Variants in PAK2 observed in about 807,000 individuals in gnomAD.
PAK2 encodes serine/threonine-protein kinase PAK 2.
Under a neutral mutation model 65.9 loss-of-function variants are expected in PAK2, and 21 were observed. The ratio of observed to expected loss-of-function variants is 0.32; its 90% CI spans 0.23 to 0.46. PAK2 has a LOEUF of 0.46. PAK2 is among the 20% of genes least tolerant of loss of function. The probability of loss-of-function intolerance (pLI) is 1.00; values close to 1 mark genes in which losing one functional copy is unlikely to be tolerated. For synonymous variants in PAK2, 204 were observed against 219.7 expected (o/e 0.93, Z 0.63); for missense variants, 324 against 642.6 (o/e 0.50, Z 5.36).
chr3:196,755,997 G>A (rs755410990), intron 1 of PAK2, among the ~76,000 whole-genome samples: 15 of 152,030 alleles, frequency 9.9e-5, no homozygotes, highest in Non-Finnish European at 1.5e-4. Context: ...CTCATGATCC[G>A]TCTGCCTTGG....
intron 2 of PAK2, among the ~76,000 whole-genome samples, chr3:196,784,448 T>G (rs199532154): frequency 0.012 from 1,344 of 116,462 alleles, 38 homozygotes; most frequent in Admixed American, 0.078. Context: ...CATTGTTCAA[T>G]TCCCACCTAT....
chr3:196,805,304 A>T, intron 4 of PAK2, 48 bp from the exon 5 acceptor site: 2 of 1,000,878 alleles, frequency 2.0e-6, no homozygotes, highest in Non-Finnish European at 3.0e-6. Flanking sequence ...TATCATATAA[A>T]AGTGCTGTTT....
At chr3:196,827,706 A>C (rs1415982313) in intron 14 of PAK2, among the ~76,000 whole-genome samples, 1 of 152,148 alleles carries the variant, frequency 6.6e-6, no homozygotes, top group Non-Finnish European at 1.5e-5. Context: ...TACATATGTA[A>C]CAAACCTGCA....
At chr3:196,797,456 C>A (rs1445674218) in intron 2 of PAK2, among the ~76,000 whole-genome samples, 2 of 151,610 alleles carry the variant, frequency 1.3e-5, no homozygotes, top group Non-Finnish European at 2.9e-5. Context: ...GAGCGAGACT[C>A]CCTCTCAAAA....
Position 196,810,588 on chromosome 3 carries a change from A to G in PAK2, c.710-2A>G. 6.5e-7 allele frequency: 1 copy of G among 1,534,644 alleles called. No individual in the cohort carries two copies. Among genetic ancestry groups the G allele is most frequent in the Non-Finnish European group, 9.0e-7 (1 of 1,109,090 alleles). ...GAGCTTCCAGCTTTTTGTTTATTCT[A>G]GGAACTATCGTGAGCATAGGTGACC... On this transcript the variant is annotated splice_acceptor_variant, in intron 7 of 14. Transcript: ENST00000327134. LOFTEE classifies it high-confidence loss of function.
chr3:196,775,418 T>C (rs1246704035), intron 1 of PAK2, among the ~76,000 whole-genome samples: 2 of 152,188 alleles, frequency 1.3e-5, no homozygotes, highest in African/African-American at 4.8e-5. Context: ...AATCTCACTC[T>C]GTGGCCCAGG....
At chr3:196,748,635 TC>T (rs1228693160) in intron 1 of PAK2, among the ~76,000 whole-genome samples, 1 of 152,200 alleles carries the variant, frequency 6.6e-6, no homozygotes, top group African/African-American at 2.4e-5. Flanking sequence ...CTGAGGTTCT[TC>T]CGTGTCTTTT....
At chr3:196,740,266 C>T (rs2108699952) in intron 1 of PAK2, 109 bp downstream of exon 1, 1 of 152,334 alleles carries the variant, frequency 6.6e-6, no homozygotes, top group Admixed American at 6.5e-5. Context: ...CGACCTGCCC[C>T]GCGCGGGGCC....
At chr3:196,815,321 A>G (rs1050517799) in intron 11 of PAK2, among the ~76,000 whole-genome samples, 4 of 151,206 alleles carry the variant, frequency 2.6e-5, no homozygotes, top group Non-Finnish European at 5.9e-5. Flanking sequence ...GCAAAACCCC[A>G]TCTCTACTAA....
intron 2 of PAK2, among the ~76,000 whole-genome samples, chr3:196,799,607 G>A (rs1715358088): frequency 6.6e-6 from 1 of 152,148 alleles, no homozygotes; most frequent in Non-Finnish European, 1.5e-5. Context: ...TGGCTTCTTG[G>A]TCCTTGACCT....
Position 196,832,197 on chromosome 3 carries a change from C to G in PAK2, c.*3792C>G, listed in dbSNP as rs778245267. On this transcript the variant is annotated 3_prime_UTR_variant, in exon 15 of 15. Coordinates refer to ENST00000327134, the MANE Select transcript of PAK2 (RefSeq NM_002577.4). ...GTTCTGTCAAGCACACTTCTGTTCT[C>G]TTAGAACTTAGAAGTGTTTCTAAGA... 1 of 152,134 alleles carries G rather than the reference C, an allele frequency of 6.6e-6. No homozygotes were observed. The highest frequency in any genetic ancestry group is 1.5e-5 in the Non-Finnish European group (1 of 68,032). The allele number at this position is 152,134 out of a possible 1,614,324, so 9.4% of individuals were successfully genotyped here.
At chr3:196,769,890 G>C (rs1047729838) in intron 1 of PAK2, among the ~76,000 whole-genome samples, 5 of 152,008 alleles carry the variant, frequency 3.3e-5, no homozygotes, top group African/African-American at 1.2e-4. Context: ...ACTTTGCCCC[G>C]TCTCTAATGA....
chr3:196,781,286 T>G (rs1271618299), intron 1 of PAK2, among the ~76,000 whole-genome samples: 1 of 152,204 alleles, frequency 6.6e-6, no homozygotes, highest in Non-Finnish European at 1.5e-5. Context: ...GGAAAATATG[T>G]TGTTTTCTAA....
At chr3:196,815,360 T>C (rs897730816) in intron 11 of PAK2, among the ~76,000 whole-genome samples, 12 of 150,376 alleles carry the variant, frequency 8.0e-5, no homozygotes, top group African/African-American at 9.8e-5. Context: ...GGCATGGTGG[T>C]GCACGCCTGT....
At chr3:196,826,749 C>T (rs1711890836) in intron 13 of PAK2, among the ~76,000 whole-genome samples, 1 of 151,654 alleles carries the variant, frequency 6.6e-6, no homozygotes, top group South Asian at 2.1e-4. Flanking sequence ...GATGAAACCC[C>T]ACCTCTACTA....
chr3:196,779,334 T>A (rs994097068), intron 1 of PAK2, among the ~76,000 whole-genome samples: 10 of 152,212 alleles, frequency 6.6e-5, no homozygotes, highest in African/African-American at 2.4e-4. Flanking sequence ...CTTTGGCATT[T>A]CCTCATCCTT....
intron 1 of PAK2, among the ~76,000 whole-genome samples, chr3:196,764,848 T>G (rs1411789876): frequency 7.0e-6 from 1 of 143,432 alleles, no homozygotes; most frequent in Non-Finnish European, 1.5e-5. Context: ...TTTCTTTTTT[T>G]TTTTTTTTTT....
At chr3:196,793,551 A>C (rs909564794) in intron 2 of PAK2, among the ~76,000 whole-genome samples, 20 of 152,142 alleles carry the variant, frequency 1.3e-4, no homozygotes, top group Non-Finnish European at 2.9e-4. Context: ...ATTTATGAAA[A>C]ACCCTTTATA....
At chr3:196,819,744 C>T (rs1409850209) in intron 12 of PAK2, among the ~76,000 whole-genome samples, 2 of 152,176 alleles carry the variant, frequency 1.3e-5, no homozygotes, top group Non-Finnish European at 1.5e-5. Flanking sequence ...CCTGCACCTC[C>T]ATTACAGGTG....
Sources: allele counts gnomAD v4.1 joint callset (sites outside exome capture counted in the v4.1 genomes callset), GRCh38; gene constraint gnomAD v4.1.1; transcripts MANE v1.5; gene names NCBI Gene and HGNC (gene_info 2026-07-23, HGNC 2026-07-21).